The following SLC24A2 variants were observed in gnomAD, a reference collection of about 807,000 sequenced individuals.
SLC24A2 encodes the protein sodium/potassium/calcium exchanger 2.
In SLC24A2, 36 loss-of-function variants were observed where a neutral mutation model predicts 62.0. The ratio of observed to expected loss-of-function variants is 0.58; its 90% CI spans 0.44 to 0.77. The LOEUF is 0.77. SLC24A2 is among the 30% of genes least tolerant of loss of function. The pLI is 0.00. For synonymous variants in SLC24A2, 358 were observed against 294.0 expected (o/e 1.22, Z -2.23); for missense variants, 846 against 817.9 (o/e 1.03, Z -0.42).
intron 2 of SLC24A2, among the ~76,000 whole-genome samples, chr9:19,754,743 T>G (rs1347867282): frequency 6.6e-6 from 1 of 151,638 alleles, no homozygotes; most frequent in African/African-American, 2.4e-5. Flanking sequence ...AAAATGCAAC[T>G]CCAAGCTTCT....
chr9:20,030,461 A>G, the SLC24A2 span, among the ~76,000 whole-genome samples: 1 of 152,130 alleles, frequency 6.6e-6, no homozygotes, highest in South Asian at 2.1e-4. Flanking sequence ...CCACACAGAA[A>G]GGCTCCAAGT....
the SLC24A2 span, among the ~76,000 whole-genome samples, chr9:20,194,369 T>C: frequency 6.6e-6 from 1 of 152,110 alleles, no homozygotes; most frequent in Non-Finnish European, 1.5e-5. Context: ...CGATTCCAGA[T>C]CCTTTGGTAC....
intron 2 of SLC24A2, among the ~76,000 whole-genome samples, chr9:19,751,691 G>T (rs917852880): frequency 2.0e-5 from 3 of 152,174 alleles, no homozygotes; most frequent in African/African-American, 7.2e-5. Context: ...CACCAAGCAT[G>T]AGACTTGTAG....
intron 6 of SLC24A2, among the ~76,000 whole-genome samples, chr9:19,574,507 G>T (rs570786667): frequency 6.6e-6 from 1 of 152,142 alleles, no homozygotes; most frequent in East Asian, 1.9e-4. Flanking sequence ...TGTAAAACTG[G>T]GGTGATGGTA....
At chr9:19,841,896 T>C in the SLC24A2 span, among the ~76,000 whole-genome samples, 108 of 152,306 alleles carry the variant, frequency 7.1e-4, no homozygotes, top group Non-Finnish European at 1.4e-3. Flanking sequence ...GAATAAAGTG[T>C]CTATGGTGGC....
chr9:19,686,929 A>C (rs1217877382), intron 2 of SLC24A2, among the ~76,000 whole-genome samples: 4 of 152,200 alleles, frequency 2.6e-5, no homozygotes, highest in Non-Finnish European at 5.9e-5. Context: ...TGATACATGT[A>C]CACCATGGAA....
the SLC24A2 span, among the ~76,000 whole-genome samples, chr9:20,151,826 A>G: frequency 6.6e-6 from 1 of 151,602 alleles, no homozygotes. Context: ...TCTTTCCCCT[A>G]CTAGATCCCC....
At chr9:20,182,959 A>T in the SLC24A2 span, among the ~76,000 whole-genome samples, 3 of 152,182 alleles carry the variant, frequency 2.0e-5, no homozygotes, top group Non-Finnish European at 4.4e-5. Context: ...ATTCCTTTTA[A>T]AGTTGATTTG....
At chr9:19,887,044 G>T in the SLC24A2 span, among the ~76,000 whole-genome samples, 3 of 152,154 alleles carry the variant, frequency 2.0e-5, no homozygotes, top group Non-Finnish European at 4.4e-5. Flanking sequence ...ACACACTAGG[G>T]CCTGTAAGGG....
the SLC24A2 span, among the ~76,000 whole-genome samples, chr9:20,160,276 G>C: frequency 1.3e-5 from 2 of 151,412 alleles, no homozygotes; most frequent in Non-Finnish European, 3.0e-5. Context: ...AAATGACACT[G>C]TAAACACCTG....
At chr9:20,270,754 A>G in the SLC24A2 span, among the ~76,000 whole-genome samples, 1 of 152,220 alleles carries the variant, frequency 6.6e-6, no homozygotes, top group African/African-American at 2.4e-5. Flanking sequence ...CCGTGTCATC[A>G]TGGAGTTCAC....
chr9:20,086,477 C>T, the SLC24A2 span, among the ~76,000 whole-genome samples: 1 of 152,164 alleles, frequency 6.6e-6, no homozygotes, highest in African/African-American at 2.4e-5. Flanking sequence ...GAATCCTGAT[C>T]TTGTTATAGT....
the SLC24A2 span, among the ~76,000 whole-genome samples, chr9:20,135,292 T>G: frequency 6.7e-6 from 1 of 149,308 alleles, no homozygotes; most frequent in Non-Finnish European, 1.5e-5. Context: ...ATTTAATTTT[T>G]AATTACAATT....
intron 2 of SLC24A2, among the ~76,000 whole-genome samples, chr9:19,698,130 C>T (rs1242495283): frequency 6.6e-6 from 1 of 151,962 alleles, no homozygotes; most frequent in Non-Finnish European, 1.5e-5. Flanking sequence ...GTTGAGCATC[C>T]CTAATCTGAA....
the SLC24A2 span, among the ~76,000 whole-genome samples, chr9:20,187,839 A>T: frequency 6.6e-6 from 1 of 152,176 alleles, no homozygotes; most frequent in Non-Finnish European, 1.5e-5. Flanking sequence ...AAAGTGTTAG[A>T]AATGCAGAAT....
chr9:20,223,398 G>A, the SLC24A2 span, among the ~76,000 whole-genome samples: 1 of 152,152 alleles, frequency 6.6e-6, no homozygotes. Flanking sequence ...GCCAAGGTGG[G>A]AGGATCAATT....
chr9:19,957,615 G>T, the SLC24A2 span: 1 of 152,980 alleles, frequency 6.5e-6, no homozygotes, highest in South Asian at 2.1e-4. Flanking sequence ...GAAGTATGGG[G>T]GTCTTTGTTC....
At chr9:20,147,145 G>A in the SLC24A2 span, among the ~76,000 whole-genome samples, 2 of 152,102 alleles carry the variant, frequency 1.3e-5, no homozygotes, top group African/African-American at 2.4e-5. Context: ...GCCTGATCAC[G>A]AACTCACCAC....
the SLC24A2 span, among the ~76,000 whole-genome samples, chr9:20,020,094 C>G: frequency 2.0e-5 from 3 of 152,054 alleles, no homozygotes; most frequent in Admixed American, 6.6e-5. Context: ...AGGATGTGGA[C>G]AAATAGGAAC....
Sources: gnomAD v4.1 joint callset for allele counts (sites outside exome capture counted in the v4.1 genomes callset) on GRCh38, gnomAD v4.1.1 for gene constraint, MANE v1.5 for transcripts, NCBI Gene and HGNC (gene_info 2026-07-23, HGNC 2026-07-21) for gene names.